Variants in MRTFA observed in about 807,000 individuals in gnomAD.
The protein encoded by MRTFA is myocardin related transcription factor A.
In MRTFA, 20 loss-of-function variants were observed where a neutral mutation model predicts 83.5. The observed-to-expected ratio is 0.24, with a 90% CI of 0.17 to 0.35. The LOEUF is 0.35. MRTFA is among the 10% of genes least tolerant of loss of function. The pLI is 1.00. For synonymous variants in MRTFA, 659 were observed against 541.2 expected (o/e 1.22, Z -3.02); for missense variants, 1,200 against 1,224.7 (o/e 0.98, Z 0.30).
In MRTFA at chr22:40,417,060, GAAAA is replaced by G; in HGVS notation, c.2518-18_2518-15del. The G allele has an allele frequency of 1.6e-6, 2 of 1,241,774 alleles. No individual in the cohort carries two copies. The highest frequency in any genetic ancestry group is 1.6e-5 in the African/African-American group (1 of 64,140). The allele number at this position is 1,241,774 out of a possible 1,614,324, so 76.9% of individuals were successfully genotyped here. On this transcript the variant is annotated splice_polypyrimidine_tract_variant and intron_variant, in intron 13 of 14. Coordinates refer to ENST00000355630, the MANE Select transcript of MRTFA (RefSeq NM_020831.6). Reference sequence around the variant, plus strand: ...GGAACCATTTTCCTGTGGGACAAAGGAAAAAAAAAAAAGAGATAAAAATCTTGAA... The same window carrying G: ...GGAACCATTTTCCTGTGGGACAAAGGAAAAAAAAGAGATAAAAATCTTGAA...
intron 3 of MRTFA, among the ~76,000 whole-genome samples, chr22:40,513,602 C>CA (rs111580647): frequency 0.042 from 2,750 of 65,362 alleles, 73 homozygotes; most frequent in Middle Eastern, 0.23. Flanking sequence ...GACTCCATCT[C>CA]AAAAAAAAAA....
At chr22:40,529,925 G>C (rs1352373781) in intron 3 of MRTFA, among the ~76,000 whole-genome samples, 1 of 152,144 alleles carries the variant, frequency 6.6e-6, no homozygotes, top group African/African-American at 2.4e-5. Flanking sequence ...TCCTTCCAGA[G>C]ACATCCTGTG....
chr22:40,626,534 C>T (rs1016011762), intron 1 of MRTFA, among the ~76,000 whole-genome samples: 12 of 152,136 alleles, frequency 7.9e-5, no homozygotes, highest in Non-Finnish European at 1.3e-4. Context: ...CTCAAGCAAT[C>T]CTCCCAAAGT....
intron 3 of MRTFA, among the ~76,000 whole-genome samples, chr22:40,536,399 C>A (rs2055175791): frequency 1.3e-5 from 2 of 150,570 alleles, no homozygotes; most frequent in Non-Finnish European, 3.0e-5. Context: ...GCCGCGGCGC[C>A]GGCGAGCGCC....
intron 2 of MRTFA, among the ~76,000 whole-genome samples, chr22:40,556,977 G>C (rs2055535003): frequency 6.6e-6 from 1 of 152,186 alleles, no homozygotes; most frequent in African/African-American, 2.4e-5. Context: ...GTTTCACATA[G>C]AGTAACAGGT....
intron 2 of MRTFA, among the ~76,000 whole-genome samples, chr22:40,588,589 T>C (rs1433940755): frequency 6.6e-6 from 1 of 152,146 alleles, no homozygotes; most frequent in Non-Finnish European, 1.5e-5. Flanking sequence ...CTTAGATCAA[T>C]AGATTGCCAG....
intron 2 of MRTFA, among the ~76,000 whole-genome samples, chr22:40,574,888 T>C (rs891616399): frequency 2.0e-5 from 3 of 152,248 alleles, no homozygotes; most frequent in Non-Finnish European, 4.4e-5. Flanking sequence ...CCATGAATAC[T>C]GATGAACGAC....
rs746514540 is a variant in MRTFA at position 40,418,780 on chromosome 22, A to T, written c.1958T>A (p.Leu653Gln). Residue 653 changes from leucine (L) to glutamine (Q), a missense_variant, in exon 12 of 15, where the codon CTG becomes CAG. Physicochemically the swap from Leu to Gln is moderately radical, Grantham distance 113. Transcript: ENST00000355630. ...GGCTCGCTTCTCCTGCTCCAGCTGC[A>T]GCTTGAGCCGCTCCACCAGCTGCTG... 13 of 1,577,894 alleles carry T rather than the reference A, an allele frequency of 8.2e-6. No homozygotes were observed. The South Asian group carries it at 1.5e-4, about 18-fold the overall frequency.
chr22:40,607,802 T>C (rs2056336005), intron 1 of MRTFA, among the ~76,000 whole-genome samples: 1 of 152,224 alleles, frequency 6.6e-6, no homozygotes, highest in Non-Finnish European at 1.5e-5. Flanking sequence ...AAACTATTCT[T>C]CAACTGTTCC....
At chr22:40,439,331 T>G (rs1242681087) in intron 4 of MRTFA, among the ~76,000 whole-genome samples, 2 of 151,404 alleles carry the variant, frequency 1.3e-5, no homozygotes, top group Non-Finnish European at 2.9e-5. Context: ...GGCAAAACCA[T>G]GTCTCTACTA....
chr22:40,436,693 G>A (rs766091622), intron 4 of MRTFA, among the ~76,000 whole-genome samples: 1 of 150,540 alleles, frequency 6.6e-6, no homozygotes, highest in Admixed American at 6.6e-5. Context: ...GGATGAGAGG[G>A]AAAGGCCTGA....
intron 3 of MRTFA, among the ~76,000 whole-genome samples, chr22:40,535,700 A>C (rs2055159863): frequency 6.6e-6 from 1 of 152,156 alleles, no homozygotes; most frequent in Non-Finnish European, 1.5e-5. Flanking sequence ...TTTCAAATGA[A>C]ACAAGTTTTC....
In MRTFA at chr22:40,417,348, T is replaced by C; in HGVS notation, c.2510A>G (p.Lys837Arg). 1.2e-6 allele frequency: 2 copies of C among 1,610,174 alleles called. No individual in the cohort carries two copies. The highest frequency in any genetic ancestry group is 2.2e-5 in the South Asian group (2 of 90,570). Residue 837 changes from lysine (K) to arginine (R), a missense_variant, in exon 13 of 15, where the codon AAA (lysine) becomes AGA (arginine). Coordinates refer to ENST00000355630, the MANE Select transcript of MRTFA (RefSeq NM_020831.6). ...CTAGCCCGCCTTCCTCACCTGCTGT[T>C]TGGGCTGCTGGCTCATGGCTTCCTC...
chr22:40,459,234 T>C (rs1313464589), intron 4 of MRTFA, among the ~76,000 whole-genome samples: 1 of 71,874 alleles, frequency 1.4e-5, no homozygotes, highest in African/African-American at 7.8e-5. Flanking sequence ...TAGGTAGGGG[T>C]CTGGCAAAAA....
intron 4 of MRTFA, among the ~76,000 whole-genome samples, chr22:40,460,489 G>C (rs969425475): frequency 3.3e-5 from 5 of 152,196 alleles, no homozygotes; most frequent in Non-Finnish European, 5.9e-5. Flanking sequence ...TTTTGTGTAT[G>C]GGTACGTTTT....
chr22:40,620,164 T>C (rs1333184212), intron 1 of MRTFA, among the ~76,000 whole-genome samples: 1 of 150,890 alleles, frequency 6.6e-6, no homozygotes, highest in Non-Finnish European at 1.5e-5. Flanking sequence ...TTGCTCTTGT[T>C]GTCCATGCTG....
chr22:40,587,869 C>T, intron 2 of MRTFA: 1 of 406,510 alleles, frequency 2.5e-6, no homozygotes. Flanking sequence ...TGTTTTTGTG[C>T]AAGTTGGTGT....
At chr22:40,539,745 G>C (rs545813009) in intron 3 of MRTFA, among the ~76,000 whole-genome samples, 1 of 151,656 alleles carries the variant, frequency 6.6e-6, no homozygotes, top group East Asian at 1.9e-4. Context: ...CTCGTGATCC[G>C]CCTGCCTCGG....
At chr22:40,452,151 T>A (rs2053504678) in intron 4 of MRTFA, among the ~76,000 whole-genome samples, 1 of 151,898 alleles carries the variant, frequency 6.6e-6, no homozygotes, top group Non-Finnish European at 1.5e-5. Context: ...ACCCAGCTAA[T>A]TTTTTGTATT....
Sources: gnomAD v4.1 joint callset for allele counts (sites outside exome capture counted in the v4.1 genomes callset) on GRCh38, gnomAD v4.1.1 for gene constraint, MANE v1.5 for transcripts, NCBI Gene and HGNC (gene_info 2026-07-23, HGNC 2026-07-21) for gene names.